PRKAG2: variants seen among roughly 807,000 people sequenced by gnomAD.
PRKAG2 encodes protein kinase AMP-activated non-catalytic subunit gamma 2.
Under a neutral mutation model 69.6 loss-of-function variants are expected in PRKAG2, and 26 were observed. The observed-to-expected ratio is 0.37, with a 90% confidence interval of 0.27 to 0.52. The LOEUF is 0.52. Among genes scored for constraint, PRKAG2 ranks in the 20% least tolerant of loss-of-function variants. PRKAG2 has a pLI of 0.90. For missense variants in PRKAG2, 557 were observed against 740.0 expected (o/e 0.75, Z 2.87); for synonymous variants, 293 against 285.0 (o/e 1.03, Z -0.28).
chr7:151,743,445 C>T (rs1352455678), intron 3 of PRKAG2, among the ~76,000 whole-genome samples: 4 of 152,200 alleles, frequency 2.6e-5, no homozygotes, highest in African/African-American at 9.6e-5. Context: ...GCTCATTCAA[C>T]GTGTGTTCTT....
chr7:151,583,117 C>A lies in PRKAG2; in HGVS notation c.865-6665G>T, dbSNP rs1381118930. 6.6e-6 allele frequency among the ~76,000 whole-genome samples: 1 copy of A among 152,174 alleles called. No homozygotes were observed. The highest frequency in any genetic ancestry group is 1.5e-5 in the Non-Finnish European group (1 of 68,036). On this transcript the variant is annotated intron_variant, in intron 6 of 15. Coordinates refer to ENST00000287878, the MANE Select transcript of PRKAG2 (RefSeq NM_016203.4). This position sits in a 1 kb window ranked among gnomAD's most constrained non-coding sequence, Gnocchi z 4.1. ...CTCACTGCAGCCTCAACCTCGTAGG[C>A]TCAAGTGATCCTTATGCCTCAGCCT...
chr7:151,659,633 C>T (rs1043206788), intron 4 of PRKAG2, among the ~76,000 whole-genome samples: 1 of 152,176 alleles, frequency 6.6e-6, no homozygotes, highest in Non-Finnish European at 1.5e-5. Flanking sequence ...ACAGAATTTT[C>T]CTTTAATTGC....
chr7:151,679,708 T>C (rs900321202), intron 3 of PRKAG2, among the ~76,000 whole-genome samples: 1 of 152,114 alleles, frequency 6.6e-6, no homozygotes, highest in African/African-American at 2.4e-5. Flanking sequence ...CAGAGATCTC[T>C]AAAGCCTCCT....
At position 151,827,317 on chromosome 7, in the gene PRKAG2, C is replaced by T. The variant is rs540280661; in HGVS notation, c.115-40776G>A. Among the ~76,000 whole-genome samples the T allele has an allele frequency of 9.5e-4, 144 of 152,290 alleles. No homozygotes were observed. The South Asian group carries it at 0.018, about 19-fold the overall frequency. Reference sequence around the variant, plus strand: ...GCAGTGGCGCAATCTCAGCTCACTGCAACCTCTGCCTCCCAGGTTCAAGTG... The same window carrying T: ...GCAGTGGCGCAATCTCAGCTCACTGTAACCTCTGCCTCCCAGGTTCAAGTG... On this transcript the variant is annotated intron_variant, in intron 1 of 15. Coordinates refer to ENST00000287878, the MANE Select transcript of PRKAG2 (RefSeq NM_016203.4).
intron 5 of PRKAG2, among the ~76,000 whole-genome samples, chr7:151,604,806 G>A (rs774211917): frequency 1.3e-5 from 2 of 152,126 alleles, no homozygotes; most frequent in Non-Finnish European, 2.9e-5. Flanking sequence ...TCCTGGCTGC[G>A]ACAGTTTCTC....
chr7:151,673,987 G>T (rs915463295), intron 4 of PRKAG2, among the ~76,000 whole-genome samples: 4 of 151,906 alleles, frequency 2.6e-5, no homozygotes, highest in Admixed American at 6.6e-5. Context: ...GATTACAGGT[G>T]CCCACCACCA....
At position 151,629,441 on chromosome 7, in the gene PRKAG2, G is replaced by A. The variant is rs369585358; in HGVS notation, c.754+2628C>T. Among the ~76,000 whole-genome samples, 163 of 152,246 alleles carry A rather than the reference G, an allele frequency of 1.1e-3. 1 individual carries two copies. In the Middle Eastern group the frequency reaches 0.031, roughly 29 times the overall value. Reference sequence around the variant, plus strand: ...AGAAGTCTGCACCTGTCGGATATACGGACAGAGGAACGTGGTCAAGACCTT... The same window carrying A: ...AGAAGTCTGCACCTGTCGGATATACAGACAGAGGAACGTGGTCAAGACCTT... On this transcript the variant is annotated intron_variant, in intron 5 of 15. Transcript: ENST00000287878.
At chr7:151,758,530 G>T (rs1240892376) in intron 3 of PRKAG2, among the ~76,000 whole-genome samples, 2 of 152,202 alleles carry the variant, frequency 1.3e-5, no homozygotes, top group Non-Finnish European at 2.9e-5. Context: ...GGCATGTTGA[G>T]CTCTAGGAGC....
At chr7:151,704,851 CT>C (rs746003035) in intron 3 of PRKAG2, among the ~76,000 whole-genome samples, 30 of 152,202 alleles carry the variant, frequency 2.0e-4, no homozygotes, top group Non-Finnish European at 3.4e-4. Context: ...AGCGAGGCTG[CT>C]CAGCGGTGCG....
intron 15 of PRKAG2, chr7:151,558,867 C>A (rs1804336242): frequency 1.0e-6 from 1 of 985,318 alleles, no homozygotes; most frequent in Non-Finnish European, 1.2e-6. Context: ...TCATCCAGCA[C>A]AACCGTTCAT....
rs566720451 is a variant in PRKAG2, at chr7:151,715,964, T to C, written c.467-40327A>G. Among the ~76,000 whole-genome samples, 166 of 152,210 alleles carry C rather than the reference T, an allele frequency of 1.1e-3. 3 individuals carry two copies. The highest frequency in any genetic ancestry group is 3.9e-3 in the South Asian group (19 of 4,814). ...AGAGGCACTTTTATATATTTATAGA[T>C]GAAATGATATGTCTTGGATTTGCTT... On this transcript the variant is annotated intron_variant, in intron 3 of 15. Coordinates refer to ENST00000287878, the MANE Select transcript of PRKAG2 (RefSeq NM_016203.4).
chr7:151,666,976 G>C (rs1046345258), intron 4 of PRKAG2, among the ~76,000 whole-genome samples: 2 of 152,120 alleles, frequency 1.3e-5, no homozygotes, highest in Non-Finnish European at 2.9e-5. Flanking sequence ...TGAGAACCCT[G>C]CCAACTGACA....
chr7:151,869,365 C>T (rs879752697), intron 1 of PRKAG2, among the ~76,000 whole-genome samples: 11 of 152,140 alleles, frequency 7.2e-5, no homozygotes, highest in African/African-American at 2.4e-4. Flanking sequence ...GGACCAAGCG[C>T]GAATAGGGCA....
rs564069371 is a variant in PRKAG2 at position 151,685,716 on chromosome 7, C to A, written c.467-10079G>T. Among the ~76,000 whole-genome samples the A allele has an allele frequency of 5.9e-5, 9 of 151,540 alleles. No homozygotes were observed. The South Asian group carries it at 1.9e-3, about 32-fold the overall frequency. ...CCTGAGAGGTTGCGGTTGCAATGAG[C>A]CACAACTGCGCCGCTGGACTCCAAT... On this transcript the variant is annotated intron_variant, in intron 3 of 15. Coordinates refer to ENST00000287878, the MANE Select transcript of PRKAG2 (RefSeq NM_016203.4).
At chr7:151,718,941 T>TC (rs1796607978) in intron 3 of PRKAG2, among the ~76,000 whole-genome samples, 1 of 152,144 alleles carries the variant, frequency 6.6e-6, no homozygotes. Flanking sequence ...TTCCCTGTGT[T>TC]CCTGAGGGTG....
intron 5 of PRKAG2, among the ~76,000 whole-genome samples, chr7:151,624,164 G>A (rs148461897): frequency 2.5e-5 from 3 of 118,360 alleles, no homozygotes; most frequent in Non-Finnish European, 5.6e-5. Flanking sequence ...GTGTGTGTGT[G>A]TGTACATATA....
rs1410189588 is a variant in PRKAG2 at position 151,756,931 on chromosome 7, T to C, written c.466+24221A>G. On this transcript the variant is annotated intron_variant, in intron 3 of 15. Transcript: ENST00000287878. The surrounding 1 kb of genome is among the most constrained non-coding windows in gnomAD (Gnocchi z 4.9). ...AGCTAGGGCCATCTGCAGGAGACGA[T>C]TCAGACGGGGTCAGCGCTGCGATTC... Among the ~76,000 whole-genome samples the C allele has an allele frequency of 6.6e-6, 1 of 152,116 alleles. No homozygotes were observed. The highest frequency in any genetic ancestry group is 1.5e-5 in the Non-Finnish European group (1 of 68,018).
rs6949815 is a variant in PRKAG2, at chr7:151,608,044, C to T, written c.755-12590G>A. On this transcript the variant is annotated intron_variant, in intron 5 of 15. Coordinates refer to ENST00000287878, the MANE Select transcript of PRKAG2 (RefSeq NM_016203.4). ...TATAAGAGAGAGAGAGAAGATGCAG[C>T]GCGGCACGGAGGGGAGGGCCACGTG... Among the ~76,000 whole-genome samples the T allele has an allele frequency of 4.6e-5, 7 of 152,238 alleles. 1 individual carries two copies. The highest frequency in any genetic ancestry group is 6.8e-3 in the Middle Eastern group (2 of 294).
intron 5 of PRKAG2, among the ~76,000 whole-genome samples, chr7:151,631,082 A>G (rs1824288675): frequency 6.6e-6 from 1 of 152,228 alleles, no homozygotes. Flanking sequence ...CTGTGAATGA[A>G]CAGAGGTATT....
Sources: gnomAD v4.1 joint callset for allele counts (sites outside exome capture counted in the v4.1 genomes callset) on GRCh38, gnomAD v4.1.1 for gene constraint, Gnocchi (gnomAD v3.1) non-coding constraint, MANE v1.5 for transcripts, NCBI Gene and HGNC (gene_info 2026-07-23, HGNC 2026-07-21) for gene names.